GALNT18: variants seen among roughly 807,000 people sequenced by gnomAD.
The protein encoded by GALNT18 is GalNAc-transferase 18.
GALNT18 carries 44 observed loss-of-function variants against 69.5 expected under a neutral mutation model. That is an observed-to-expected ratio of 0.63 (90% CI 0.50 to 0.81). The LOEUF (loss-of-function observed/expected upper bound fraction) is 0.81, where lower values mean the gene tolerates loss of function less well. Among genes scored for constraint, GALNT18 ranks in the 40% least tolerant of loss-of-function variants. The pLI is 0.00. For missense variants in GALNT18, 715 were observed against 810.0 expected, an observed-to-expected ratio of 0.88 and a Z score of 1.42; for synonymous variants, 364 against 318.2, an observed-to-expected ratio of 1.14 and a Z score of -1.53.
intron 5 of GALNT18, among the ~76,000 whole-genome samples, chr11:11,376,954 C>T (rs1853777493): frequency 1.3e-5 from 2 of 152,180 alleles, no homozygotes; most frequent in South Asian, 2.1e-4. Flanking sequence ...GCCCAGCAGA[C>T]GTCTCACAGT....
chr11:11,366,519 A>T (rs1436361335), intron 6 of GALNT18, among the ~76,000 whole-genome samples: 1 of 152,252 alleles, frequency 6.6e-6, no homozygotes, highest in African/African-American at 2.4e-5. Flanking sequence ...ATAAGAATGA[A>T]TTAACTCCTT....
In GALNT18 at chr11:11,616,446, G is replaced by A. The variant is rs1306347731; in HGVS notation, c.235+4913C>T. Among the ~76,000 whole-genome samples the A allele has an allele frequency of 1.3e-5, 2 of 152,080 alleles. No individual in the cohort carries two copies. Among genetic ancestry groups the A allele is most frequent in the Admixed American group, 6.5e-5 (1 of 15,280 alleles). Reference sequence around the variant, plus strand: ...TTGAGTCAGTACTAATCCCACTTCTGGAAAGACATCCTTAAACATAATTCA... The same window carrying A: ...TTGAGTCAGTACTAATCCCACTTCTAGAAAGACATCCTTAAACATAATTCA... On this transcript the variant is annotated intron_variant, in intron 1 of 10. Transcript: ENST00000227756. This position sits in a 1 kb window ranked among gnomAD's most constrained non-coding sequence, Gnocchi z 4.4.
At chr11:11,343,928 C>T (rs2133059858) in intron 6 of GALNT18, among the ~76,000 whole-genome samples, 1 of 152,286 alleles carries the variant, frequency 6.6e-6, no homozygotes, top group Non-Finnish European at 1.5e-5. Context: ...TGTCCAGCAC[C>T]TGAATTCACT....
At chr11:11,489,561 C>T (rs1353825984) in intron 1 of GALNT18, among the ~76,000 whole-genome samples, 2 of 152,194 alleles carry the variant, frequency 1.3e-5, no homozygotes, top group Non-Finnish European at 2.9e-5. Context: ...CAGTTCCACC[C>T]AGTTTGGCAG....
At chr11:11,298,164 G>C (rs967323441) in intron 9 of GALNT18, among the ~76,000 whole-genome samples, 2 of 152,210 alleles carry the variant, frequency 1.3e-5, no homozygotes, top group Non-Finnish European at 2.9e-5. Flanking sequence ...TGGTCTCAGA[G>C]CCTGGCCTCT....
At chr11:11,352,493 G>A (rs767916772) in intron 6 of GALNT18, 68 of 1,613,854 alleles carry the variant, frequency 4.2e-5, no homozygotes, top group South Asian at 7.7e-5. Context: ...AACTATAATC[G>A]TACATCTGAT....
At chr11:11,304,110 A>G (rs1849539328) in intron 9 of GALNT18, among the ~76,000 whole-genome samples, 2 of 152,198 alleles carry the variant, frequency 1.3e-5, no homozygotes, top group African/African-American at 2.4e-5. Flanking sequence ...AAAGACACAG[A>G]CAAAGTAGCC....
intron 1 of GALNT18, among the ~76,000 whole-genome samples, chr11:11,529,702 T>G (rs375068247): frequency 6.6e-6 from 1 of 151,994 alleles, no homozygotes; most frequent in East Asian, 1.9e-4. Context: ...CACGTGCATG[T>G]TAGAGGGGAG....
chr11:11,471,567 T>C (rs1381439349), intron 1 of GALNT18, among the ~76,000 whole-genome samples: 1 of 152,192 alleles, frequency 6.6e-6, no homozygotes, highest in Non-Finnish European at 1.5e-5. Context: ...CTTGTGCTTT[T>C]TGGCATGCAC....
chr11:11,322,133 T>G (rs1849850738), intron 9 of GALNT18, among the ~76,000 whole-genome samples: 1 of 152,246 alleles, frequency 6.6e-6, no homozygotes, highest in Non-Finnish European at 1.5e-5. Context: ...ATTTTACATG[T>G]GTTAAATCCT....
At chr11:11,468,627 C>G (rs967821480) in intron 1 of GALNT18, among the ~76,000 whole-genome samples, 10 of 152,118 alleles carry the variant, frequency 6.6e-5, no homozygotes, top group Non-Finnish European at 1.3e-4. Flanking sequence ...AAAGCCAGGC[C>G]AGGTTGCAGG....
chr11:11,580,115 ACT>A (rs1859040441), intron 1 of GALNT18, among the ~76,000 whole-genome samples: 1 of 151,770 alleles, frequency 6.6e-6, no homozygotes. Context: ...TGTGAAACAG[ACT>A]CTCTTTCACA....
rs887339534 is a variant in GALNT18 at position 11,496,021 on chromosome 11, C to A, written c.236-47085G>T. Among the ~76,000 whole-genome samples, 1 of 152,202 alleles carries A rather than the reference C, an allele frequency of 6.6e-6. No individual in the cohort carries two copies. The highest frequency in any genetic ancestry group is 1.5e-5 in the Non-Finnish European group (1 of 68,038). On this transcript the variant is annotated intron_variant, in intron 1 of 10. Coordinates refer to ENST00000227756, the MANE Select transcript of GALNT18 (RefSeq NM_198516.3). The surrounding 1 kb of genome is among the most constrained non-coding windows in gnomAD (Gnocchi z 4.0). ...AATCCTAAAACATATGTGCTATCAG[C>A]ATCCCTGTTACATGACTAAAGCAAC...
At chr11:11,284,934 T>C (rs950632937) in intron 10 of GALNT18, among the ~76,000 whole-genome samples, 1 of 138,698 alleles carries the variant, frequency 7.2e-6, no homozygotes, top group Non-Finnish European at 1.6e-5. Context: ...TTTTTTTAAC[T>C]ACTTGGGCGT....
At chr11:11,401,010 C>T (rs1456642919) in intron 3 of GALNT18, among the ~76,000 whole-genome samples, 3 of 152,094 alleles carry the variant, frequency 2.0e-5, no homozygotes, top group Non-Finnish European at 2.9e-5. Flanking sequence ...GGGGCAGGAA[C>T]GTAGGCAGTG....
rs1052368535 is a variant in GALNT18 at position 11,314,133 on chromosome 11, C to T, written c.1512+12953G>A. On this transcript the variant is annotated intron_variant, in intron 9 of 10. Transcript: ENST00000227756. This position sits in a 1 kb window ranked among gnomAD's most constrained non-coding sequence, Gnocchi z 5.2. ...TGTCACTGGGTTTGGTGACCTGTCC[C>T]CAAGGCCAGAGAGGCCTGGGAAGCA... Among the ~76,000 whole-genome samples the T allele has an allele frequency of 1.1e-4, 16 of 152,118 alleles. No individual in the cohort carries two copies. The highest frequency in any genetic ancestry group is 3.9e-4 in the Admixed American group (6 of 15,266).
intron 8 of GALNT18, among the ~76,000 whole-genome samples, chr11:11,327,738 C>T (rs1849949808): frequency 6.6e-6 from 1 of 152,218 alleles, no homozygotes; most frequent in African/African-American, 2.4e-5. Context: ...AAGAGAGCAG[C>T]ATCTCTTATC....
At chr11:11,292,761 AATC>A (rs1201799122) in intron 10 of GALNT18, among the ~76,000 whole-genome samples, 6 of 148,556 alleles carry the variant, frequency 4.0e-5, no homozygotes, top group South Asian at 4.2e-4. Flanking sequence ...ACAATAATAA[AATC>A]ATTATAATAA....
intron 1 of GALNT18, among the ~76,000 whole-genome samples, chr11:11,479,015 C>T (rs568413138): frequency 6.6e-6 from 1 of 152,234 alleles, no homozygotes; most frequent in Non-Finnish European, 1.5e-5. Context: ...CTGCCAATGG[C>T]CCTGCGTCTT....
Sources: allele counts gnomAD v4.1 joint callset (sites outside exome capture counted in the v4.1 genomes callset), GRCh38; gene constraint gnomAD v4.1.1; non-coding constraint Gnocchi (gnomAD v3.1); transcripts MANE v1.5; gene names NCBI Gene and HGNC (gene_info 2026-07-23, HGNC 2026-07-21).